The following FAM117B variants were observed in gnomAD, a reference collection of about 807,000 sequenced individuals.
FAM117B encodes family with sequence similarity 117 member B, also known as protein FAM117B.
Under a neutral mutation model 52.8 loss-of-function variants are expected in FAM117B, and 22 were observed. The observed-to-expected ratio is 0.42, with a 90% CI of 0.30 to 0.59. The LOEUF is 0.59. Among genes scored for constraint, FAM117B ranks in the 20% least tolerant of loss-of-function variants. The pLI is 0.22. For missense variants in FAM117B, 678 were observed against 802.6 expected (o/e 0.84, Z 1.88); for synonymous variants, 309 against 324.1 (o/e 0.95, Z 0.50).
In FAM117B at chr2:202,766,061, A is replaced by AACACACACACACACACACAC. The variant is rs34556556; in HGVS notation, c.*324_*343dup. 4.2e-4 allele frequency: 85 copies of AACACACACACACACACACAC among 203,094 alleles called. No homozygotes were observed. Among genetic ancestry groups the AACACACACACACACACACAC allele is most frequent in the Middle Eastern group, 1.9e-3 (1 of 518 alleles). 12.6% of individuals were successfully genotyped at this position (203,094 alleles called of 1,614,324 possible). A position where few individuals can be genotyped will look rare whatever the true frequency, so the allele number is the denominator to read the frequency against. On this transcript the variant is annotated 3_prime_UTR_variant, in exon 8 of 8. Transcript: ENST00000392238. Reference sequence around the variant, plus strand: ...TTGTTTTCGAATTAGACTTCTTTAAAACACACACACACACACACACACACA... The same window carrying AACACACACACACACACACAC: ...TTGTTTTCGAATTAGACTTCTTTAAAACACACACACACACACACACACACACACACACACACACACACACA...
intron 7 of FAM117B, among the ~76,000 whole-genome samples, chr2:202,763,628 ATGT>A (rs1691932634): frequency 6.6e-6 from 1 of 152,208 alleles, no homozygotes; most frequent in Non-Finnish European, 1.5e-5. Context: ...AGAAGGGTGT[ATGT>A]TGTTCTTATC....
intron 4 of FAM117B, among the ~76,000 whole-genome samples, chr2:202,747,738 A>G (rs1691656819): frequency 6.6e-6 from 1 of 152,132 alleles, no homozygotes; most frequent in African/African-American, 2.4e-5. Flanking sequence ...AAACCCTGAG[A>G]ATAAATTTAA....
At chr2:202,695,818 C>G in intron 1 of FAM117B, 63 bp from the exon 2 acceptor site, 2 of 1,503,214 alleles carry the variant, frequency 1.3e-6, no homozygotes, top group South Asian at 1.3e-5. Flanking sequence ...TAGTTTAAAA[C>G]TTAGTTTCTG....
chr2:202,708,774 TA>T (rs1341508876), intron 2 of FAM117B, among the ~76,000 whole-genome samples: 1 of 152,054 alleles, frequency 6.6e-6, no homozygotes, highest in African/African-American at 2.4e-5. Context: ...CTGAATAATT[TA>T]AAAAAAATTT....
At chr2:202,668,107 A>T (rs991179331) in intron 1 of FAM117B, among the ~76,000 whole-genome samples, 4 of 141,462 alleles carry the variant, frequency 2.8e-5, no homozygotes, top group African/African-American at 5.5e-5. Context: ...ATATTTATAT[A>T]AAAAATATTT....
In FAM117B at chr2:202,666,668, CT is replaced by C. The variant is rs1157457357; in HGVS notation, c.602-29195del. Among the ~76,000 whole-genome samples, 479 of 125,756 alleles carry C rather than the reference CT, an allele frequency of 3.8e-3. 2 individuals are homozygous for C. The highest frequency in any genetic ancestry group is 0.018 in the South Asian group (71 of 3,970). The allele number at this position is 125,756 out of a possible 152,430, so 82.5% of individuals were successfully genotyped here. ...TGAAATAACATGTTTCGTTTCATTT[CT>C]TTTTTTTTTTTTTTTTTGAGACAGA... On this transcript the variant is annotated intron_variant, in intron 1 of 7. Transcript: ENST00000392238.
At chr2:202,744,530 A>C (rs1331034479) in intron 4 of FAM117B, among the ~76,000 whole-genome samples, 1 of 152,202 alleles carries the variant, frequency 6.6e-6, no homozygotes, top group Non-Finnish European at 1.5e-5. Flanking sequence ...AGGAACAAAC[A>C]TCCCAATGAT....
At chr2:202,679,068 T>A (rs1690424626) in intron 1 of FAM117B, among the ~76,000 whole-genome samples, 1 of 152,174 alleles carries the variant, frequency 6.6e-6, no homozygotes, top group Non-Finnish European at 1.5e-5. Flanking sequence ...ACATTAATAT[T>A]TGGACATGAA....
chr2:202,685,868 G>A (rs925649915), intron 1 of FAM117B, among the ~76,000 whole-genome samples: 3 of 152,198 alleles, frequency 2.0e-5, no homozygotes, highest in African/African-American at 7.2e-5. Flanking sequence ...TGACCTTGGA[G>A]TAGGCAAAGG....
At chr2:202,690,562 A>AG (rs1311518782) in intron 1 of FAM117B, among the ~76,000 whole-genome samples, 1 of 152,164 alleles carries the variant, frequency 6.6e-6, no homozygotes, top group Non-Finnish European at 1.5e-5. Flanking sequence ...TTCCAGAGGA[A>AG]GTTACATCTG....
chr2:202,715,305 A>AC (rs1248533687), intron 2 of FAM117B, among the ~76,000 whole-genome samples: 2 of 131,744 alleles, frequency 1.5e-5, no homozygotes, highest in South Asian at 5.0e-4. Flanking sequence ...GCGGGGGCTG[A>AC]CCCCCACCTC....
At chr2:202,718,843 C>T (rs753034833) in intron 2 of FAM117B, among the ~76,000 whole-genome samples, 13 of 152,070 alleles carry the variant, frequency 8.5e-5, no homozygotes, top group African/African-American at 2.4e-4. Flanking sequence ...CTGTGCCTAC[C>T]GACCTCCCCT....
chr2:202,731,368 T>TATAG (rs780138718), intron 4 of FAM117B, among the ~76,000 whole-genome samples: 1,728 of 95,774 alleles, frequency 0.018, 131 homozygotes, highest in African/African-American at 0.034. Flanking sequence ...TATATATATA[T>TATAG]GGAGAGAGAG....
intron 1 of FAM117B, among the ~76,000 whole-genome samples, chr2:202,669,640 A>C (rs553317183): frequency 1.4e-4 from 21 of 152,306 alleles, no homozygotes; most frequent in African/African-American, 4.3e-4. Context: ...AATGTTTTTC[A>C]CATTGTTTCA....
intron 1 of FAM117B, among the ~76,000 whole-genome samples, chr2:202,636,512 C>G (rs1295496255): frequency 2.0e-5 from 3 of 152,116 alleles, no homozygotes; most frequent in Non-Finnish European, 4.4e-5. Context: ...AGCTAACATT[C>G]GTTGTTTTTC....
intron 1 of FAM117B, among the ~76,000 whole-genome samples, chr2:202,691,696 T>TGTGTGTGTGTGG (rs1559103301): frequency 7.7e-6 from 1 of 129,434 alleles, no homozygotes; most frequent in Non-Finnish European, 1.6e-5. Flanking sequence ...TGTGTGTGTG[T>TGTGTGTGTGTGG]GTGCGCGCGC....
At position 202,726,296 on chromosome 2, in the gene FAM117B, G is replaced by A. The variant is rs1228985904; in HGVS notation, c.893G>A (p.Arg298Gln). Residue 298 changes from arginine (R) to glutamine (Q), a missense_variant, in exon 4 of 8, where the codon CGG becomes CAG. Around this residue, in one of 3 missense-constraint regions of FAM117B, gnomAD observed 583 missense variants for 644.8 expected, o/e 0.90. Coordinates refer to ENST00000392238, the MANE Select transcript of FAM117B (RefSeq NM_173511.4). ...QQLQRSKHSS[R>Q]HHRDKERQSP... is the part of the protein sequence containing the mutation. Reference sequence around the variant, plus strand: ...TTGCAGAGAAGTAAACACAGCAGTCGGCATCATCGAGATAAAGAAAGACAG... The same window carrying A: ...TTGCAGAGAAGTAAACACAGCAGTCAGCATCATCGAGATAAAGAAAGACAG... The A allele has an allele frequency of 6.2e-6, 10 of 1,613,474 alleles. No homozygotes were observed. Among genetic ancestry groups the A allele is most frequent in the South Asian group, 4.4e-5 (4 of 90,994 alleles).
intron 4 of FAM117B, among the ~76,000 whole-genome samples, chr2:202,744,273 A>G (rs2105794676): frequency 6.6e-6 from 1 of 152,310 alleles, no homozygotes; most frequent in African/African-American, 2.4e-5. Context: ...GCATCCACTC[A>G]TGGCGGAAGG....
At chr2:202,727,810 A>T (rs1691270274) in intron 4 of FAM117B, among the ~76,000 whole-genome samples, 1 of 152,162 alleles carries the variant, frequency 6.6e-6, no homozygotes, top group Non-Finnish European at 1.5e-5. Flanking sequence ...TTGGCCCTTT[A>T]CAGATAAGGC....
Sources: gnomAD v4.1 joint callset for allele counts (sites outside exome capture counted in the v4.1 genomes callset) on GRCh38, gnomAD v4.1.1 for gene constraint, gnomAD v4.1.1 regional missense constraint, MANE v1.5 for transcripts, NCBI Gene and HGNC (gene_info 2026-07-23, HGNC 2026-07-21) for gene names.